Variants in GPC3 observed in about 807,000 individuals in gnomAD.
GPC3 encodes glypican-3.
Under a neutral mutation model 34.4 loss-of-function variants are expected in GPC3, and 3 were observed. The observed-to-expected ratio is 0.09, with a 90% confidence interval of 0.04 to 0.23. The LOEUF is 0.23. GPC3 is among the 10% of genes least tolerant of loss of function. The pLI is 1.00. For missense variants in GPC3, 351 were observed against 445.6 expected (o/e 0.79, Z 1.91); for synonymous variants, 177 against 174.0 (o/e 1.02, Z -0.13).
chrX:133,689,934 A>G (rs1771134691), intron 5 of GPC3, among the ~76,000 whole-genome samples: 1 of 112,188 alleles, frequency 8.9e-6, no homozygotes, highest in African/African-American at 3.2e-5. Flanking sequence ...TTTTTCAAAT[A>G]GTTATTGTTT....
intron 2 of GPC3, among the ~76,000 whole-genome samples, chrX:133,917,007 C>T (rs2076227952): frequency 8.9e-6 from 1 of 111,888 alleles, no homozygotes; most frequent in Non-Finnish European, 1.9e-5. Context: ...ATGGCAAATT[C>T]CTTAATCTCC....
intron 5 of GPC3, among the ~76,000 whole-genome samples, chrX:133,668,580 C>A (rs1287244879): frequency 9.1e-6 from 1 of 110,142 alleles, no homozygotes; most frequent in East Asian, 2.8e-4. Context: ...ACCCAAAGCA[C>A]CTCATGGTAC....
chrX:133,717,399 T>A (rs2071324542), intron 3 of GPC3, among the ~76,000 whole-genome samples: 1 of 111,247 alleles, frequency 9.0e-6, no homozygotes, highest in Non-Finnish European at 1.9e-5. Flanking sequence ...AGAAATGAAA[T>A]CCACAAGCAG....
At chrX:133,612,189 T>C (rs1444604626) in intron 6 of GPC3, among the ~76,000 whole-genome samples, 4 of 112,156 alleles carry the variant, frequency 3.6e-5, no homozygotes, top group Non-Finnish European at 7.5e-5. Context: ...CCAGCTTGAC[T>C]TCTGTTTCTA....
chrX:133,799,964 G>A, intron 2 of GPC3, among the ~76,000 whole-genome samples: 1 of 111,789 alleles, frequency 8.9e-6, no homozygotes, highest in East Asian at 2.8e-4. Context: ...CAACAAAAAG[G>A]AACATGAATG....
intron 2 of GPC3, among the ~76,000 whole-genome samples, chrX:133,786,162 G>A (rs2072098645): frequency 8.9e-6 from 1 of 112,541 alleles, no homozygotes; most frequent in Admixed American, 9.4e-5. Context: ...GGAGGCCGAG[G>A]TGGGTGGATC....
chrX:133,560,458 G>T (rs1008192125), intron 7 of GPC3, among the ~76,000 whole-genome samples: 2 of 112,505 alleles, frequency 1.8e-5, no homozygotes, highest in African/African-American at 6.5e-5. Context: ...GCCTATTTTG[G>T]CCGGGCATGG....
At chrX:133,794,270 T>C (rs1460136824) in intron 2 of GPC3, among the ~76,000 whole-genome samples, 1 of 111,659 alleles carries the variant, frequency 9.0e-6, no homozygotes, top group Non-Finnish European at 1.9e-5. Flanking sequence ...GAGGCTTTAG[T>C]TTTTAATCAA....
chrX:133,956,488 T>C (rs1303154308), intron 1 of GPC3, among the ~76,000 whole-genome samples: 1 of 112,128 alleles, frequency 8.9e-6, no homozygotes, highest in East Asian at 2.8e-4. Flanking sequence ...TTGGGACACA[T>C]ATGTAGACAT....
intron 2 of GPC3, among the ~76,000 whole-genome samples, chrX:133,918,399 T>C (rs1205412590): frequency 8.9e-6 from 1 of 112,415 alleles, no homozygotes; most frequent in African/African-American, 3.2e-5. Flanking sequence ...GTTTAATTGG[T>C]TTAGCAAGAG....
At chrX:133,827,377 C>A (rs1018593702) in intron 2 of GPC3, among the ~76,000 whole-genome samples, 1 of 112,134 alleles carries the variant, frequency 8.9e-6, no homozygotes, top group Non-Finnish European at 1.9e-5. Flanking sequence ...GATTTAAAAA[C>A]AATTACATAC....
chrX:133,747,702 CAG>C (rs765990095), intron 3 of GPC3, among the ~76,000 whole-genome samples: 2 of 111,828 alleles, frequency 1.8e-5, no homozygotes, highest in African/African-American at 6.5e-5. Flanking sequence ...GGCAACACAA[CAG>C]AGTCATGTGC....
intron 2 of GPC3, among the ~76,000 whole-genome samples, chrX:133,950,833 G>A (rs1266845917): frequency 9.0e-6 from 1 of 111,315 alleles, no homozygotes; most frequent in East Asian, 2.8e-4. Flanking sequence ...AGTGCCTTGA[G>A]GTCTGGGATC....
chrX:133,889,831 C>CTTTTTTTT (rs781203121), intron 2 of GPC3, among the ~76,000 whole-genome samples: 12 of 75,794 alleles, frequency 1.6e-4, no homozygotes, highest in African/African-American at 5.3e-4. Flanking sequence ...TTCTAGCCTT[C>CTTTTTTTT]TTTTTTTTTT....
chrX:133,618,718 A>T (rs1234200598), intron 6 of GPC3, among the ~76,000 whole-genome samples: 2 of 109,450 alleles, frequency 1.8e-5, no homozygotes, highest in Non-Finnish European at 1.9e-5. Flanking sequence ...AAAAAAAAAA[A>T]ATAGACCAAA....
At position 133,617,857 on chromosome X, in the gene GPC3, C is replaced by G. The variant is rs781247695; in HGVS notation, c.1414-21258G>C. Among the ~76,000 whole-genome samples, 323 of 111,591 alleles carry G rather than the reference C, an allele frequency of 2.9e-3. 1 individual carries two copies. Among genetic ancestry groups the G allele is most frequent in the African/African-American group, 9.9e-3 (305 of 30,764 alleles). ...CAGGCTGGTCTCCAACTCCTGTGCT[C>G]AAGCAATCCTCCTACCTCAGCCTCC... On this transcript the variant is annotated intron_variant, in intron 6 of 7. Coordinates refer to ENST00000370818, the MANE Select transcript of GPC3 (RefSeq NM_004484.4).
At chrX:133,643,055 A>T (rs189057689) in intron 6 of GPC3, among the ~76,000 whole-genome samples, 1 of 112,062 alleles carries the variant, frequency 8.9e-6, no homozygotes, top group East Asian at 2.8e-4. Flanking sequence ...GAATGACAGA[A>T]TCATACTGGG....
At chrX:133,641,713 GA>G (rs2070483747) in intron 6 of GPC3, among the ~76,000 whole-genome samples, 1 of 111,792 alleles carries the variant, frequency 8.9e-6, no homozygotes, top group Admixed American at 9.5e-5. Flanking sequence ...GTGGGCATTA[GA>G]GTAAGTGATC....
intron 6 of GPC3, among the ~76,000 whole-genome samples, chrX:133,608,565 CTT>C (rs2070074024): frequency 8.9e-6 from 1 of 112,230 alleles, no homozygotes; most frequent in Non-Finnish European, 1.9e-5. Context: ...TGTGGTTATA[CTT>C]TTGGGAAATG....
Sources: gnomAD v4.1 joint callset for allele counts (sites outside exome capture counted in the v4.1 genomes callset) on GRCh38, gnomAD v4.1.1 for gene constraint, MANE v1.5 for transcripts, NCBI Gene and HGNC (gene_info 2026-07-23, HGNC 2026-07-21) for gene names.